Variants in KCNQ5 observed in about 807,000 individuals in gnomAD.
KCNQ5 encodes potassium voltage-gated channel subfamily KQT member 5.
A neutral mutation model predicts 98.2 loss-of-function variants in KCNQ5; 30 were observed. That is an observed-to-expected ratio of 0.31 (90% CI 0.23 to 0.41). The LOEUF is 0.41. KCNQ5 is among the 10% of genes least tolerant of loss of function. KCNQ5 has a pLI of 1.00. For missense variants in KCNQ5, 835 were observed against 1,182.5 expected (o/e 0.71, Z 4.31); for synonymous variants, 458 against 449.4 (o/e 1.02, Z -0.24).
At chr6:72,931,994 A>G (rs1185731508) in intron 1 of KCNQ5, among the ~76,000 whole-genome samples, 1 of 152,186 alleles carries the variant, frequency 6.6e-6, no homozygotes, top group African/African-American at 2.4e-5. Context: ...GCCTTCTCTC[A>G]GGAATCTGCA....
At chr6:73,016,604 G>A (rs902264404) in intron 2 of KCNQ5, among the ~76,000 whole-genome samples, 1 of 152,116 alleles carries the variant, frequency 6.6e-6, no homozygotes, top group African/African-American at 2.4e-5. Flanking sequence ...AGAGCAGAGA[G>A]TAATAGGATG....
At chr6:72,969,808 G>A (rs12190059) in intron 1 of KCNQ5, among the ~76,000 whole-genome samples, 14,721 of 152,140 alleles carry the variant, frequency 0.097, 834 homozygotes, top group East Asian at 0.23. Context: ...TGTTACTGTT[G>A]ATGTTGTCTG....
intron 10 of KCNQ5, chr6:73,158,151 G>GA: frequency 2.7e-6 from 1 of 374,636 alleles, no homozygotes; most frequent in South Asian, 2.2e-5. Context: ...GTGCGGGGGA[G>GA]GGGGCGGGGC....
intron 1 of KCNQ5, among the ~76,000 whole-genome samples, chr6:72,671,831 T>C (rs1266058384): frequency 6.6e-6 from 1 of 152,156 alleles, no homozygotes; most frequent in African/African-American, 2.4e-5. Context: ...TTTTTTTCTT[T>C]TTTGAGATGG....
chr6:72,654,788 TTACA>T (rs958691994), intron 1 of KCNQ5, among the ~76,000 whole-genome samples: 1 of 152,098 alleles, frequency 6.6e-6, no homozygotes, highest in Non-Finnish European at 1.5e-5. Flanking sequence ...ATGAAAATGA[TTACA>T]TACATCTACT....
intron 1 of KCNQ5, among the ~76,000 whole-genome samples, chr6:72,914,135 G>A (rs1780044361): frequency 6.6e-6 from 1 of 152,170 alleles, no homozygotes; most frequent in Non-Finnish European, 1.5e-5. Context: ...ATGCTTTGGG[G>A]TAGAATGTCC....
chr6:72,681,776 G>C (rs993694144), intron 1 of KCNQ5, among the ~76,000 whole-genome samples: 1 of 152,154 alleles, frequency 6.6e-6, no homozygotes, highest in Non-Finnish European at 1.5e-5. Flanking sequence ...GAGTTTTCAT[G>C]GGATAAACCT....
At chr6:73,101,679 TA>T (rs1235745242) in intron 5 of KCNQ5, among the ~76,000 whole-genome samples, 1 of 151,616 alleles carries the variant, frequency 6.6e-6, no homozygotes, top group Non-Finnish European at 1.5e-5. Context: ...ATTAAATACC[TA>T]GGAATTAACC....
At chr6:72,958,887 A>T (rs955644610) in intron 1 of KCNQ5, among the ~76,000 whole-genome samples, 1 of 152,194 alleles carries the variant, frequency 6.6e-6, no homozygotes, top group Non-Finnish European at 1.5e-5. Flanking sequence ...CACAGCCAGG[A>T]TCTATTTCAC....
intron 1 of KCNQ5, among the ~76,000 whole-genome samples, chr6:72,816,204 T>A (rs1279955998): frequency 6.6e-6 from 1 of 152,112 alleles, no homozygotes; most frequent in Non-Finnish European, 1.5e-5. Flanking sequence ...GAAGAGATGC[T>A]GAATTTGATG....
chr6:72,688,322 T>C (rs975317915), intron 1 of KCNQ5, among the ~76,000 whole-genome samples: 1 of 152,212 alleles, frequency 6.6e-6, no homozygotes, highest in African/African-American at 2.4e-5. Context: ...TAAGAGAGTT[T>C]CTTTCTTTCC....
chr6:72,738,689 G>A (rs1296003378), intron 1 of KCNQ5, among the ~76,000 whole-genome samples: 1 of 152,054 alleles, frequency 6.6e-6, no homozygotes, highest in Non-Finnish European at 1.5e-5. Context: ...ATGAACTGTG[G>A]CACATTCAGA....
intron 1 of KCNQ5, among the ~76,000 whole-genome samples, chr6:72,851,818 G>A (rs1348568289): frequency 6.6e-6 from 1 of 152,036 alleles, no homozygotes; most frequent in African/African-American, 2.4e-5. Context: ...ATTTTACAGA[G>A]TTGTTTTTCT....
chr6:73,064,316 A>G (rs1027711374), intron 3 of KCNQ5, among the ~76,000 whole-genome samples: 2 of 152,220 alleles, frequency 1.3e-5, no homozygotes, highest in African/African-American at 2.4e-5. Context: ...TTAACTGCTT[A>G]GAGTAAGTGC....
chr6:73,084,228 A>C (rs1773891723), intron 5 of KCNQ5, among the ~76,000 whole-genome samples: 1 of 152,228 alleles, frequency 6.6e-6, no homozygotes. Flanking sequence ...GATGTGATGG[A>C]AGTATCTTCA....
chr6:73,129,816 A>G (rs1462807732), intron 9 of KCNQ5: 4 of 1,613,152 alleles, frequency 2.5e-6, no homozygotes, highest in Non-Finnish European at 3.4e-6. Flanking sequence ...AATAAGCAGA[A>G]GCTCTTCAGA....
intron 1 of KCNQ5, among the ~76,000 whole-genome samples, chr6:72,887,594 T>C: frequency 6.6e-6 from 1 of 152,142 alleles, no homozygotes; most frequent in East Asian, 1.9e-4. Flanking sequence ...AATAATACAA[T>C]TAAAAAGCAA....
chr6:72,622,321 C>T lies in KCNQ5; in HGVS notation c.132C>T (p.Gly44=). The change falls in exon 1 of 14, where the codon GGC becomes GGT. Residue 44 remains glycine, a synonymous_variant. Coordinates refer to ENST00000370398, the MANE Select transcript of KCNQ5 (RefSeq NM_019842.4). The surrounding 1 kb of genome is among the most constrained non-coding windows in gnomAD (Gnocchi z 6.0). ...TGAAGGATGTGGAGTCCGGCCGGGG[C>T]AGGGTGCTGCTGAACTCGGCAGCCG... is the stretch of plus-strand genomic sequence containing the variant. ...SGMKDVESGR[G]RVLLNSAAAR... is the part of the protein sequence containing the mutation. 7.1e-7 allele frequency: 1 copy of T among 1,399,968 alleles called. No homozygotes were observed. The highest frequency in any genetic ancestry group is 9.2e-7 in the Non-Finnish European group (1 of 1,082,348). The allele number at this position is 1,399,968 out of a possible 1,614,324, so 86.7% of individuals were successfully genotyped here.
chr6:73,114,468 G>A (rs1775399772), intron 7 of KCNQ5, among the ~76,000 whole-genome samples: 1 of 152,236 alleles, frequency 6.6e-6, no homozygotes, highest in Non-Finnish European at 1.5e-5. Context: ...AAATTTAGCT[G>A]TGTCAATATC....
Sources: gnomAD v4.1 joint callset for allele counts (sites outside exome capture counted in the v4.1 genomes callset) on GRCh38, gnomAD v4.1.1 for gene constraint, Gnocchi (gnomAD v3.1) non-coding constraint, MANE v1.5 for transcripts, NCBI Gene and HGNC (gene_info 2026-07-23, HGNC 2026-07-21) for gene names.